Variants in BLTP1 observed in about 807,000 individuals in gnomAD.
The protein encoded by BLTP1 is fragile site-associated protein.
chr4:122,175,699 C>T, the BLTP1 span: 17 of 552,670 alleles, frequency 3.1e-5, no homozygotes, highest in South Asian at 1.5e-4. Context: ...TCTTTGTTCA[C>T]GAAAAGATGT....
chr4:122,258,983 T>G, the BLTP1 span: 1 of 575,802 alleles, frequency 1.7e-6, no homozygotes, highest in East Asian at 2.9e-5. Context: ...ATTTGTAATT[T>G]CAGTGTAAAT....
the BLTP1 span, chr4:122,219,680 A>G: frequency 1.4e-6 from 1 of 691,212 alleles, no homozygotes; most frequent in Non-Finnish European, 2.4e-6. Flanking sequence ...AGAAACTTCT[A>G]AATTTATTCT....
chr4:122,255,028 T>C, the BLTP1 span: 1 of 1,495,890 alleles, frequency 6.7e-7, no homozygotes, highest in East Asian at 2.3e-5. Flanking sequence ...TTAATCATTA[T>C]TGGAAAATAT....
chr4:122,152,687 G>A, the BLTP1 span: 2 of 956,260 alleles, frequency 2.1e-6, no homozygotes, highest in Non-Finnish European at 2.5e-6. Flanking sequence ...TGGCTTAGTA[G>A]TGGCTGCCTG....
the BLTP1 span, chr4:122,267,050 A>AATTTTTT: frequency 3.8e-6 from 1 of 261,200 alleles, no homozygotes; most frequent in Non-Finnish European, 6.7e-6. Context: ...ATAAGGAAGT[A>AATTTTTT]ATTTTTTTTT....
At chr4:122,295,515 C>G in the BLTP1 span, among the ~76,000 whole-genome samples, 3 of 151,898 alleles carry the variant, frequency 2.0e-5, no homozygotes, top group Non-Finnish European at 4.4e-5. Flanking sequence ...GCCAGATGTA[C>G]AAAGAAGAGC....
chr4:122,273,381 G>A, the BLTP1 span: 1 of 984,662 alleles, frequency 1.0e-6, no homozygotes, highest in African/African-American at 1.7e-5. Context: ...AAAATTAGGT[G>A]GACTGACTGC....
At chr4:122,171,809 A>T in the BLTP1 span, 23 of 984,506 alleles carry the variant, frequency 2.3e-5, no homozygotes, top group African/African-American at 3.5e-4. Context: ...GAAAAAAACA[A>T]CAATAACAAG....
At chr4:122,247,033 TTAC>T in the BLTP1 span, 3 of 1,315,014 alleles carry the variant, frequency 2.3e-6, no homozygotes, top group South Asian at 3.2e-5. Context: ...GAATAATTTT[TTAC>T]TACTATTGGT....
the BLTP1 span, chr4:122,234,772 G>A: frequency 6.2e-7 from 1 of 1,606,948 alleles, no homozygotes; most frequent in South Asian, 1.1e-5. Flanking sequence ...GGTCGGTTTA[G>A]GTTGTGGTTT....
At chr4:122,235,516 A>G in the BLTP1 span, 1 of 979,524 alleles carries the variant, frequency 1.0e-6, no homozygotes, top group Non-Finnish European at 1.2e-6. Context: ...AATCTTTAGC[A>G]TAACTCTGGC....
the BLTP1 span, chr4:122,301,402 CATAAAT>C: frequency 6.6e-7 from 1 of 1,524,532 alleles, no homozygotes; most frequent in African/African-American, 1.4e-5. Context: ...TTCAAGGTAA[CATAAAT>C]ATAATGATAC....
chr4:122,334,378 C>G, the BLTP1 span: 1 of 1,608,132 alleles, frequency 6.2e-7, no homozygotes, highest in Non-Finnish European at 8.5e-7. Context: ...AAGACTGAAT[C>G]ACCTAATGCC....
At chr4:122,191,451 G>A in the BLTP1 span, among the ~76,000 whole-genome samples, 64 of 152,160 alleles carry the variant, frequency 4.2e-4, no homozygotes, top group African/African-American at 1.5e-3. Flanking sequence ...CAAGTGTGAT[G>A]TTTTTAAATG....
At chr4:122,328,442 C>T in the BLTP1 span, 73 of 1,245,488 alleles carry the variant, frequency 5.9e-5, no homozygotes, top group Admixed American at 1.8e-4. Context: ...TCAGCTTTTA[C>T]AAAAAACATT....
chr4:122,275,923 ATTTGCCTCCTTTTTG>A, the BLTP1 span: 1 of 1,489,004 alleles, frequency 6.7e-7, no homozygotes, highest in African/African-American at 1.4e-5. Context: ...ATGAATGTTT[ATTTGCCTCCTTTTTG>A]TTTTCCCACT....
At chr4:122,161,547 C>G in the BLTP1 span, among the ~76,000 whole-genome samples, 2 of 151,640 alleles carry the variant, frequency 1.3e-5, no homozygotes, top group African/African-American at 4.8e-5. Context: ...CTTCCCATTT[C>G]AGTCTCTCCA....
the BLTP1 span, chr4:122,361,937 A>T: frequency 7.0e-7 from 1 of 1,427,054 alleles, no homozygotes; most frequent in African/African-American, 1.4e-5. Flanking sequence ...TGTCTTGAGT[A>T]TATTATAGAG....
chr4:122,173,964 G>C, the BLTP1 span, among the ~76,000 whole-genome samples: 1 of 152,032 alleles, frequency 6.6e-6, no homozygotes, highest in African/African-American at 2.4e-5. Flanking sequence ...ATGTAAGTTA[G>C]AATCATCTTG....
Sources: allele counts gnomAD v4.1 joint callset (sites outside exome capture counted in the v4.1 genomes callset), GRCh38; gene constraint gnomAD v4.1.1; transcripts MANE v1.5; gene names NCBI Gene and HGNC (gene_info 2026-07-23, HGNC 2026-07-21).